Variants in ZSCAN30 observed in about 807,000 individuals in gnomAD.
ZSCAN30 encodes the protein zinc finger and SCAN domain-containing protein 30.
Under a neutral mutation model 44.3 loss-of-function variants are expected in ZSCAN30, and 37 were observed. That is an observed-to-expected ratio of 0.84 (90% confidence interval 0.64 to 1.10). The LOEUF (loss-of-function observed/expected upper bound fraction) is 1.10, where lower values mean the gene tolerates loss of function less well. Ranked by LOEUF, ZSCAN30 falls within the 50% of genes least tolerant of loss-of-function variation. The pLI is 0.00. For synonymous variants in ZSCAN30, 181 were observed against 204.6 expected, an observed-to-expected ratio of 0.88 and a Z score of 0.98; for missense variants, 549 against 582.6, an observed-to-expected ratio of 0.94 and a Z score of 0.59.
intron 1 of ZSCAN30, among the ~76,000 whole-genome samples, chr18:35,287,233 A>G (rs2044567923): frequency 6.6e-6 from 1 of 152,180 alleles, no homozygotes; most frequent in Non-Finnish European, 1.5e-5. Context: ...TAACATGTCA[A>G]TTCTCCCCAT....
intron 1 of ZSCAN30, among the ~76,000 whole-genome samples, chr18:35,286,778 A>G (rs1166047948): frequency 6.6e-6 from 1 of 152,146 alleles, no homozygotes; most frequent in Non-Finnish European, 1.5e-5. Flanking sequence ...ACTGATATAC[A>G]TAAAGATCAA....
rs905950848 is a variant in ZSCAN30 at position 35,254,270 on chromosome 18, T to G, written c.665A>C (p.Gln222Pro). The G allele has an allele frequency of 6.2e-7, 1 of 1,614,040 alleles. No individual in the cohort carries two copies. The highest frequency in any genetic ancestry group is 1.3e-5 in the African/African-American group (1 of 74,940). ...PGKLPGETHS[Q>P]RIAEEALGGL... ...TCCCAAAGCTTCTTCAGCTATCCGT[T>G]GGGAATGTGTTTCTCCAGGAAGTTT... is the stretch of plus-strand genomic sequence containing the variant. The change falls in exon 4 of 4, where the codon CAA becomes CCA. Residue 222 changes from glutamine to proline, a missense_variant. Gln to Pro is a moderately conservative substitution (Grantham distance 76). Coordinates refer to ENST00000333206, the MANE Select transcript of ZSCAN30 (RefSeq NM_001112734.4).
intron 1 of ZSCAN30, among the ~76,000 whole-genome samples, chr18:35,275,253 T>C (rs2044349563): frequency 6.6e-6 from 1 of 152,246 alleles, no homozygotes; most frequent in Admixed American, 6.5e-5. Flanking sequence ...CATATAGTGT[T>C]ATGATGGAGA....
intron 1 of ZSCAN30, chr18:35,281,504 C>T (rs2044454843): frequency 6.6e-6 from 1 of 152,190 alleles, no homozygotes; most frequent in East Asian, 1.9e-4. Context: ...CATATCATCA[C>T]TTTTGGGTAA....
chr18:35,264,518 T>C (rs1261804816), intron 1 of ZSCAN30, 63 bp from the exon 2 acceptor site: 2 of 733,202 alleles, frequency 2.7e-6, no homozygotes, highest in South Asian at 4.2e-5. Context: ...TAAATACAGG[T>C]TTTTGAAGCC....
At chr18:35,289,896 C>T (rs9960120) in intron 1 of ZSCAN30, 188 bp downstream of exon 1, 58 of 152,322 alleles carry the variant, frequency 3.8e-4, no homozygotes, top group African/African-American at 1.3e-3. Flanking sequence ...GGGCAGAAGT[C>T]AGTATTTTAA....
chr18:35,288,183 A>G (rs1384342298), intron 1 of ZSCAN30, among the ~76,000 whole-genome samples: 1 of 152,250 alleles, frequency 6.6e-6, no homozygotes, highest in Non-Finnish European at 1.5e-5. Flanking sequence ...CACAAAGCAT[A>G]TATTTGACAA....
intron 1 of ZSCAN30, among the ~76,000 whole-genome samples, chr18:35,279,061 T>G (rs1484633346): frequency 6.6e-6 from 1 of 152,242 alleles, no homozygotes; most frequent in African/African-American, 2.4e-5. Context: ...TACAGTCTCT[T>G]CAAGGCTTTT....
At chr18:35,280,339 G>C (rs1379023627) in intron 1 of ZSCAN30, among the ~76,000 whole-genome samples, 1 of 148,682 alleles carries the variant, frequency 6.7e-6, no homozygotes, top group African/African-American at 2.5e-5. Context: ...TAAAAAGAGA[G>C]AGAGAGGCAG....
intron 1 of ZSCAN30, among the ~76,000 whole-genome samples, chr18:35,265,075 G>A (rs187114760): frequency 1.3e-5 from 2 of 151,886 alleles, no homozygotes; most frequent in Non-Finnish European, 2.9e-5. Context: ...GAACCCGGGA[G>A]GGGGAGCTTG....
rs779295942 is a variant in ZSCAN30, at chr18:35,269,813, C to A, written c.-103-5358G>T. 55 of 147,394 alleles carry A rather than the reference C, an allele frequency of 3.7e-4. 1 individual carries two copies. Among genetic ancestry groups the A allele is most frequent in the Non-Finnish European group, 7.7e-4 (52 of 67,218 alleles). 9.1% of individuals were successfully genotyped at this position (147,394 alleles called of 1,614,324 possible). A position where few individuals can be genotyped will look rare whatever the true frequency, so the allele number is the denominator to read the frequency against. On this transcript the variant is annotated intron_variant, in intron 1 of 3. Coordinates refer to ENST00000333206, the MANE Select transcript of ZSCAN30 (RefSeq NM_001112734.4). Reference sequence around the variant, plus strand: ...TGAACAAAGTAAACATAGCACATTTCTAATGAAGCACATAAAATAATGAGT... The same window carrying A: ...TGAACAAAGTAAACATAGCACATTTATAATGAAGCACATAAAATAATGAGT...
At chr18:35,263,409 T>A in intron 3 of ZSCAN30, 104 bp downstream of exon 3, 1 of 1,441,246 alleles carries the variant, frequency 6.9e-7, no homozygotes. Context: ...CTTTCCACAA[T>A]ACTTAGTGAT....
At chr18:35,287,445 CAAGT>C (rs1310354237) in intron 1 of ZSCAN30, among the ~76,000 whole-genome samples, 1 of 151,590 alleles carries the variant, frequency 6.6e-6, no homozygotes, top group Non-Finnish European at 1.5e-5. Context: ...ACTAAAGAGA[CAAGT>C]AGATCAATGA....
chr18:35,282,295 C>T (rs1166522255), intron 1 of ZSCAN30: 1 of 152,116 alleles, frequency 6.6e-6, no homozygotes, highest in East Asian at 1.9e-4. Flanking sequence ...GACTATTTTC[C>T]TCTTTTGGGA....
chr18:35,282,549 A>G (rs2044474841), intron 1 of ZSCAN30: 1 of 152,234 alleles, frequency 6.6e-6, no homozygotes, highest in Admixed American at 6.5e-5. Flanking sequence ...TTTTTGGGAG[A>G]TGTGTAATGT....
rs2043663647 is a variant in ZSCAN30, at chr18:35,253,396, A to C, written c.*54T>G. 6.9e-7 allele frequency: 1 copy of C among 1,450,526 alleles called. No homozygotes were observed. Among genetic ancestry groups the C allele is most frequent in the African/African-American group, 1.4e-5 (1 of 70,372 alleles). The allele number at this position is 1,450,526 out of a possible 1,614,324, so 89.9% of individuals were successfully genotyped here. ...AAACTTTTCTTTTCTGTGGAGTCTC[A>C]CCCCTACAGTGAACTCCTTGCATTT... On this transcript the variant is annotated 3_prime_UTR_variant, in exon 4 of 4. Transcript: ENST00000333206.
chr18:35,266,756 T>TC (rs1300296859), intron 1 of ZSCAN30: 1 of 129,954 alleles, frequency 7.7e-6, no homozygotes, highest in Admixed American at 1.0e-4. Context: ...AAGCTCCGCC[T>TC]CCCGGGTTCA....
Position 35,273,720 on chromosome 18 carries a change from C to A in ZSCAN30, c.-103-9265G>T, listed in dbSNP as rs568140801. Among the ~76,000 whole-genome samples, 50 of 152,300 alleles carry A rather than the reference C, an allele frequency of 3.3e-4. No individual in the cohort carries two copies. In the South Asian group the frequency reaches 7.2e-3, roughly 22 times the overall value. On this transcript the variant is annotated intron_variant, in intron 1 of 3. Coordinates refer to ENST00000333206, the MANE Select transcript of ZSCAN30 (RefSeq NM_001112734.4). ...TATTTCATTGGCCTGTATGTCTATT[C>A]TTATGCCAGTACCACACTGTTTTGA...
chr18:35,268,376 C>G (rs2044207142), intron 1 of ZSCAN30: 1 of 152,084 alleles, frequency 6.6e-6, no homozygotes, highest in African/African-American at 2.4e-5. Context: ...ATACAGGTGA[C>G]CCATGAATTT....
Sources: allele counts gnomAD v4.1 joint callset (sites outside exome capture counted in the v4.1 genomes callset), GRCh38; gene constraint gnomAD v4.1.1; transcripts MANE v1.5; gene names NCBI Gene and HGNC (gene_info 2026-07-23, HGNC 2026-07-21).